Variants in COL9A2 observed in about 807,000 individuals in gnomAD.
COL9A2 encodes collagen type IX alpha 2 chain.
A neutral mutation model predicts 111.6 loss-of-function variants in COL9A2; 66 were observed. The observed-to-expected ratio is 0.59, with a 90% CI of 0.48 to 0.73. The LOEUF (loss-of-function observed/expected upper bound fraction) is 0.73, where lower values mean the gene tolerates loss of function less well. Among genes scored for constraint, COL9A2 ranks in the 30% least tolerant of loss-of-function variants. The pLI is 0.00. For missense variants in COL9A2, 881 were observed against 954.1 expected (o/e 0.92, Z 1.01); for synonymous variants, 353 against 364.1 (o/e 0.97, Z 0.35).
chr1:40,312,435 GC>G lies in COL9A2; in HGVS notation c.363+20del. ...CTTCCCTGGGAGTTCTGGGGATCCT[GC>G]CCCATCCCTGAGGACTTACAGGAGG... On this transcript the variant is annotated intron_variant, in intron 7 of 31. Coordinates refer to ENST00000372748, the MANE Select transcript of COL9A2 (RefSeq NM_001852.4). The surrounding 1 kb of genome is among the most constrained non-coding windows in gnomAD (Gnocchi z 6.0). The G allele has an allele frequency of 6.2e-7, 1 of 1,612,450 alleles. No individual in the cohort carries two copies. The highest frequency in any genetic ancestry group is 8.5e-7 in the Non-Finnish European group (1 of 1,179,226).
Position 40,312,111 on chromosome 1 carries a change from C to G in COL9A2, c.365G>C (p.Gly122Ala). 6.2e-7 allele frequency: 1 copy of G among 1,600,346 alleles called. No individual in the cohort carries two copies. Among genetic ancestry groups the G allele is most frequent in the Non-Finnish European group, 8.5e-7 (1 of 1,175,198 alleles). Residue 122 changes from glycine to alanine, a missense_variant and splice_region_variant, in exon 8 of 32, where the codon GGG becomes GCG. Physicochemically the swap from Gly to Ala is moderately conservative, Grantham distance 60 (BLOSUM62 0). Transcript: ENST00000372748. This position sits in a 1 kb window ranked among gnomAD's most constrained non-coding sequence, Gnocchi z 6.0. ...LPGPGFAGPP[G>A]PPGPVGLPGE... ...AGGGAGGCCAACAGGTCCAGGAGGC[C>G]CCTGGGGAGCAGAGAGTTGATGGTC...
chr1:40,316,275 C>G lies in COL9A2; in HGVS notation c.76-611G>C, dbSNP rs781355043. 6.6e-6 allele frequency among the ~76,000 whole-genome samples: 1 copy of G among 152,172 alleles called. No individual in the cohort carries two copies. The highest frequency in any genetic ancestry group is 1.5e-5 in the Non-Finnish European group (1 of 68,022). ...CACTCGGAGCGCCCCTTCGGCAGCA[C>G]AGCTGCCCGGTCCTCCCTCTGCTAA... On this transcript the variant is annotated intron_variant, in intron 1 of 31. Coordinates refer to ENST00000372748, the MANE Select transcript of COL9A2 (RefSeq NM_001852.4). This position sits in a 1 kb window ranked among gnomAD's most constrained non-coding sequence, Gnocchi z 5.5.
In COL9A2 at chr1:40,310,238, T is replaced by G. The variant is rs780655188; in HGVS notation, c.738+26A>C. Reference sequence around the variant, plus strand: ...CCAGAAGGCAGCTCCTGGAAGCTCTTGTAGAACACCCCAAGATTCACTTAC... The same window carrying G: ...CCAGAAGGCAGCTCCTGGAAGCTCTGGTAGAACACCCCAAGATTCACTTAC... On this transcript the variant is annotated intron_variant, in intron 14 of 31. Coordinates refer to ENST00000372748, the MANE Select transcript of COL9A2 (RefSeq NM_001852.4). This position sits in a 1 kb window ranked among gnomAD's most constrained non-coding sequence, Gnocchi z 4.9. 1 of 1,614,120 alleles carries G rather than the reference T, an allele frequency of 6.2e-7. No individual in the cohort carries two copies. Among genetic ancestry groups the G allele is most frequent in the East Asian group, 2.2e-5 (1 of 44,888 alleles).
In COL9A2 at chr1:40,307,121, A is replaced by C. The variant is rs746593000; in HGVS notation, c.1008+325T>G. Reference sequence around the variant, plus strand: ...GAGCCTCCTGAAGTGCTGGGATTATAGGCATGAGCCACTGCACCCGACCTC... The same window carrying C: ...GAGCCTCCTGAAGTGCTGGGATTATCGGCATGAGCCACTGCACCCGACCTC... On this transcript the variant is annotated intron_variant, in intron 19 of 31. Coordinates refer to ENST00000372748, the MANE Select transcript of COL9A2 (RefSeq NM_001852.4). The surrounding 1 kb of genome is among the most constrained non-coding windows in gnomAD (Gnocchi z 4.8). 6.6e-6 allele frequency among the ~76,000 whole-genome samples: 1 copy of C among 152,204 alleles called. No homozygotes were observed. The highest frequency in any genetic ancestry group is 1.5e-5 in the Non-Finnish European group (1 of 68,030).
In COL9A2 at chr1:40,306,135, C is replaced by T. The variant is rs763600736; in HGVS notation, c.1053+8G>A. ...CTCAATTCTGTCCCCAGCTTGGGAT[C>T]GCCTCACCTGGTCTCCAGGGCCTCC... is the stretch of plus-strand genomic sequence containing the variant. On this transcript the variant is annotated splice_region_variant and intron_variant, in intron 20 of 31. Transcript: ENST00000372748. 54 of 1,614,012 alleles carry T rather than the reference C, an allele frequency of 3.3e-5. No individual in the cohort carries two copies. Among genetic ancestry groups the T allele is most frequent in the South Asian group, 2.2e-4 (20 of 91,084 alleles).
In COL9A2 at chr1:40,303,921, C is replaced by G. The variant is rs757777748; in HGVS notation, c.1368+7G>C. 6.4e-7 allele frequency: 1 copy of G among 1,553,042 alleles called. No individual in the cohort carries two copies. The highest frequency in any genetic ancestry group is 1.4e-5 in the African/African-American group (1 of 73,322). ...GCTCCCCGCCCTTCCCTAGGCCGCG[C>G]GCTCACCTTCTCGCCTTTCTCTCCG... On this transcript the variant is annotated splice_region_variant and intron_variant, in intron 26 of 31. Coordinates refer to ENST00000372748, the MANE Select transcript of COL9A2 (RefSeq NM_001852.4). The surrounding 1 kb of genome is among the most constrained non-coding windows in gnomAD (Gnocchi z 4.6).
At position 40,314,289 on chromosome 1, in the gene COL9A2, A is replaced by C. The variant is rs2273196; in HGVS notation, c.187-22T>G. 3 of 1,614,216 alleles carry C rather than the reference A, an allele frequency of 1.9e-6. No homozygotes were observed. The highest frequency in any genetic ancestry group is 2.5e-6 in the Non-Finnish European group (3 of 1,180,044). ...GTCCCTTGAAAACAGAGATGGAACA[A>C]ACATGAGCCAGAGGAGGGCAAGAGC... On this transcript the variant is annotated intron_variant, in intron 3 of 31. Transcript: ENST00000372748. This position sits in a 1 kb window ranked among gnomAD's most constrained non-coding sequence, Gnocchi z 4.1.
chr1:40,315,307 G>A (rs970655621), intron 2 of COL9A2: 3 of 1,272,642 alleles, frequency 2.4e-6, no homozygotes, highest in African/African-American at 3.1e-5. Context: ...ACAAGGAGGG[G>A]AAAGGAGAGG....
Position 40,311,487 on chromosome 1 carries a change from C to T in COL9A2, c.519+13G>A. ...CCCCCTGTGTTAGCCCCGCCCCAGA[C>T]CTCGTCTCTCACCAGGAAATCCGCA... is the stretch of plus-strand genomic sequence containing the variant. On this transcript the variant is annotated intron_variant, in intron 10 of 31. Coordinates refer to ENST00000372748, the MANE Select transcript of COL9A2 (RefSeq NM_001852.4). The surrounding 1 kb of genome is among the most constrained non-coding windows in gnomAD (Gnocchi z 5.1). 2 of 1,607,986 alleles carry T rather than the reference C, an allele frequency of 1.2e-6. No individual in the cohort carries two copies. The highest frequency in any genetic ancestry group is 1.7e-6 in the Non-Finnish European group (2 of 1,175,242).
Position 40,301,138 on chromosome 1 carries a change from C to G in COL9A2, c.*44G>C. The G allele has an allele frequency of 1.9e-6, 3 of 1,605,718 alleles. No individual in the cohort carries two copies. The highest frequency in any genetic ancestry group is 2.6e-6 in the Non-Finnish European group (3 of 1,174,550). On this transcript the variant is annotated 3_prime_UTR_variant, in exon 32 of 32. Coordinates refer to ENST00000372748, the MANE Select transcript of COL9A2 (RefSeq NM_001852.4). ...CATGTCCACCCAGAGGGGACCTGGTCCTTCCCGCCAGGATGCCTGCCAGGC... is the reference window on the plus strand; with the variant it reads ...CATGTCCACCCAGAGGGGACCTGGTGCTTCCCGCCAGGATGCCTGCCAGGC...
At position 40,316,317 on chromosome 1, in the gene COL9A2, G is replaced by A. The variant is rs1644218063; in HGVS notation, c.76-653C>T. 6.6e-6 allele frequency among the ~76,000 whole-genome samples: 1 copy of A among 152,212 alleles called. No individual in the cohort carries two copies. Among genetic ancestry groups the A allele is most frequent in the African/African-American group, 2.4e-5 (1 of 41,468 alleles). On this transcript the variant is annotated intron_variant, in intron 1 of 31. Coordinates refer to ENST00000372748, the MANE Select transcript of COL9A2 (RefSeq NM_001852.4). This position sits in a 1 kb window ranked among gnomAD's most constrained non-coding sequence, Gnocchi z 5.5. ...CTCTGCTAAGCCCTGACTGCTGCAGGGGAGCAGGAGGAGCCGGCACCTCCC... is the reference window on the plus strand; with the variant it reads ...CTCTGCTAAGCCCTGACTGCTGCAGAGGAGCAGGAGGAGCCGGCACCTCCC...
chr1:40,310,663 G>C lies in COL9A2; in HGVS notation c.684+51C>G, dbSNP rs1352078168. 1 of 1,473,254 alleles carries C rather than the reference G, an allele frequency of 6.8e-7. No individual in the cohort carries two copies. The highest frequency in any genetic ancestry group is 1.9e-5 in the Admixed American group (1 of 51,992). The allele number at this position is 1,473,254 out of a possible 1,614,324, so 91.3% of individuals were successfully genotyped here. ...CTGAGCAGGGGAATGACTCCATGAA[G>C]GGCTCCTGGGGTGAGGGAGAAGAGG... On this transcript the variant is annotated intron_variant, in intron 13 of 31. Transcript: ENST00000372748. This position sits in a 1 kb window ranked among gnomAD's most constrained non-coding sequence, Gnocchi z 4.9.
In COL9A2 at chr1:40,302,793, G is replaced by C. The variant is rs1489018835; in HGVS notation, c.1620C>G (p.Val540=). 1.2e-6 allele frequency: 1 copy of C among 846,902 alleles called. No individual in the cohort carries two copies. Among genetic ancestry groups the C allele is most frequent in the Non-Finnish European group, 1.8e-6 (1 of 571,416 alleles). The allele number at this position is 846,902 out of a possible 1,614,324, so 52.5% of individuals were successfully genotyped here. A position where few individuals can be genotyped will look rare whatever the true frequency, so the allele number is the denominator to read the frequency against. Reference sequence around the variant, plus strand: ...GGGCTTCCCGCTTGGCACTCACGGCGACCTCTGCCAGTTGCTCTGGAGGGA... The same window carrying C: ...GGGCTTCCCGCTTGGCACTCACGGCCACCTCTGCCAGTTGCTCTGGAGGGA... ...LKMLQEQLAE[V]AVSAKREALG... is the part of the protein sequence containing the mutation. Residue 540 remains valine, a synonymous_variant, in exon 30 of 32, where the codon GTC becomes GTG. Coordinates refer to ENST00000372748, the MANE Select transcript of COL9A2 (RefSeq NM_001852.4). This position sits in a 1 kb window ranked among gnomAD's most constrained non-coding sequence, Gnocchi z 4.5.
chr1:40,309,788 C>T, intron 16 of COL9A2, 150 bp downstream of exon 16: 1 of 678,992 alleles, frequency 1.5e-6, no homozygotes, highest in East Asian at 2.9e-5. Flanking sequence ...ACACAGTCTA[C>T]ACACACACAC....
Position 40,311,960 on chromosome 1 carries a change from G to T in COL9A2, c.417+99C>A, listed in dbSNP as rs1644135839. ...CCCAGACCTGGAGGAGTTTCCCAGT[G>T]GCCAGGAGCAGGCCCAGGAACTTCC... On this transcript the variant is annotated intron_variant, in intron 8 of 31. Coordinates refer to ENST00000372748, the MANE Select transcript of COL9A2 (RefSeq NM_001852.4). This position sits in a 1 kb window ranked among gnomAD's most constrained non-coding sequence, Gnocchi z 5.1. 1 of 1,316,168 alleles carries T rather than the reference G, an allele frequency of 7.6e-7. No individual in the cohort carries two copies. Among genetic ancestry groups the T allele is most frequent in the Admixed American group, 2.0e-5 (1 of 50,704 alleles). 81.5% of individuals were successfully genotyped at this position (1,316,168 alleles called of 1,614,324 possible). A position where few individuals can be genotyped will look rare whatever the true frequency, so the allele number is the denominator to read the frequency against.
At chr1:40,313,059 A>G (rs1644157210) in intron 4 of COL9A2, among the ~76,000 whole-genome samples, 1 of 152,260 alleles carries the variant, frequency 6.6e-6, no homozygotes, top group South Asian at 2.1e-4. Flanking sequence ...CTCCGGGTTC[A>G]GGAGTCTAGA....
chr1:40,302,004 G>T lies in COL9A2; in HGVS notation c.1793-115C>A. 9.5e-7 allele frequency: 1 copy of T among 1,057,554 alleles called. No individual in the cohort carries two copies. The highest frequency in any genetic ancestry group is 1.4e-5 in the South Asian group (1 of 73,466). The allele number at this position is 1,057,554 out of a possible 1,614,324, so 65.5% of individuals were successfully genotyped here. A position where few individuals can be genotyped will look rare whatever the true frequency, so the allele number is the denominator to read the frequency against. On this transcript the variant is annotated intron_variant, in intron 30 of 31. Transcript: ENST00000372748. This position sits in a 1 kb window ranked among gnomAD's most constrained non-coding sequence, Gnocchi z 4.5. ...CTGTTTTGTGCTAGTTTGTAATAGA[G>T]GAAAGTTGGAAATGGTCACGCAGGG...
chr1:40,311,376 G>A lies in COL9A2; in HGVS notation c.520-90C>T. The A allele has an allele frequency of 1.3e-6, 2 of 1,573,448 alleles. No individual in the cohort carries two copies. Among genetic ancestry groups the A allele is most frequent in the Non-Finnish European group, 1.7e-6 (2 of 1,153,610 alleles). On this transcript the variant is annotated intron_variant, in intron 10 of 31. Coordinates refer to ENST00000372748, the MANE Select transcript of COL9A2 (RefSeq NM_001852.4). This position sits in a 1 kb window ranked among gnomAD's most constrained non-coding sequence, Gnocchi z 5.1. ...CCCCGTGCTCTCCTCCGCCTCACCT[G>A]GTGGAACCCCTGCACTGCAGCCCCT...
chr1:40,314,321 G>A lies in COL9A2; in HGVS notation c.186+31C>T, dbSNP rs200284214. On this transcript the variant is annotated intron_variant, in intron 3 of 31. Coordinates refer to ENST00000372748, the MANE Select transcript of COL9A2 (RefSeq NM_001852.4). This position sits in a 1 kb window ranked among gnomAD's most constrained non-coding sequence, Gnocchi z 4.1. ...GCCAGAGGAGGGCAAGAGCAGGAAG[G>A]GTCAAAGGCCAAAGAGGATAAAGCA... The A allele has an allele frequency of 6.9e-5, 112 of 1,614,204 alleles. No individual in the cohort carries two copies. The highest frequency in any genetic ancestry group is 6.1e-5 in the Non-Finnish European group (72 of 1,180,044).
Sources: allele counts gnomAD v4.1 joint callset (sites outside exome capture counted in the v4.1 genomes callset), GRCh38; gene constraint gnomAD v4.1.1; non-coding constraint Gnocchi (gnomAD v3.1); transcripts MANE v1.5; gene names NCBI Gene and HGNC (gene_info 2026-07-23, HGNC 2026-07-21).